Variants in MBD5 observed in about 807,000 individuals in gnomAD.
The protein encoded by MBD5 is methyl-CpG binding domain protein 5, also known as methyl-CpG-binding domain protein 5.
MBD5 carries 13 observed loss-of-function variants against 117.3 expected under a neutral mutation model. The ratio of observed to expected loss-of-function variants is 0.11; its 90% CI spans 0.07 to 0.18. MBD5 has a LOEUF of 0.18. MBD5 is among the 10% of genes least tolerant of loss of function. The probability of loss-of-function intolerance (pLI) is 1.00; values close to 1 mark genes in which losing one functional copy is unlikely to be tolerated. For synonymous variants in MBD5, 727 were observed against 766.4 expected, an observed-to-expected ratio of 0.95 and a Z score of 0.85; for missense variants, 1,879 against 2,093.8, an observed-to-expected ratio of 0.90 and a Z score of 2.00.
rs569896406 is a variant in MBD5, at chr2:148,021,463, T to TTGCTGCTGC, written c.-1137_-1129dup. 5 of 573,876 alleles carry TTGCTGCTGC rather than the reference T, an allele frequency of 8.7e-6. 1 individual carries two copies. The highest frequency in any genetic ancestry group is 1.7e-5 in the Non-Finnish European group (5 of 298,506). The allele number at this position is 573,876 out of a possible 1,614,324, so 35.5% of individuals were successfully genotyped here. ...CAACACAGACCCTTTGCTGCTGCTG[T>TTGCTGCTGC]TGCTGCTGCTGCTGCTGTTGCTGCT... On this transcript the variant is annotated 5_prime_UTR_variant, in exon 1 of 14. Transcript: ENST00000642680.
At chr2:148,367,103 C>G (rs1703723609) in intron 4 of MBD5, among the ~76,000 whole-genome samples, 1 of 152,162 alleles carries the variant, frequency 6.6e-6, no homozygotes. Flanking sequence ...GTAATGAAAA[C>G]AGCATGGTAC....
intron 3 of MBD5, among the ~76,000 whole-genome samples, chr2:148,308,033 G>A (rs12992471): frequency 0.012 from 1,763 of 152,150 alleles, 17 homozygotes; most frequent in Admixed American, 0.025. Flanking sequence ...TCTTTATCTA[G>A]TCTATCACTG....
intron 1 of MBD5, among the ~76,000 whole-genome samples, chr2:148,144,298 G>GT (rs1465518683): frequency 3.3e-5 from 5 of 151,644 alleles, no homozygotes; most frequent in Admixed American, 3.3e-4. Flanking sequence ...GGGGTTGTTT[G>GT]TTTTTTTCTT....
At chr2:148,391,483 A>G (rs1574372607) in intron 4 of MBD5, among the ~76,000 whole-genome samples, 1 of 152,260 alleles carries the variant, frequency 6.6e-6, no homozygotes, top group East Asian at 1.9e-4. Context: ...TGTAATTTAT[A>G]TTACTTAAAT....
intron 1 of MBD5, among the ~76,000 whole-genome samples, chr2:148,091,024 C>T (rs1695927802): frequency 6.6e-6 from 1 of 151,950 alleles, no homozygotes; most frequent in Non-Finnish European, 1.5e-5. Flanking sequence ...TGCTATATGC[C>T]AACAATGACC....
intron 4 of MBD5, among the ~76,000 whole-genome samples, chr2:148,367,268 A>G (rs1331230917): frequency 6.6e-6 from 1 of 152,226 alleles, no homozygotes; most frequent in African/African-American, 2.4e-5. Flanking sequence ...AAAACCAGCT[A>G]GCCATATGCA....
intron 3 of MBD5, among the ~76,000 whole-genome samples, chr2:148,280,131 C>CAAAAAAAAAAAAAAAAAATA (rs1701209056): frequency 1.1e-5 from 1 of 91,886 alleles, no homozygotes; most frequent in African/African-American, 4.0e-5. Flanking sequence ...AAACTAACTG[C>CAAAAAAAAAAAAAAAAAATA]AAAAAAAAAA....
intron 3 of MBD5, among the ~76,000 whole-genome samples, chr2:148,320,225 T>C (rs1468789164): frequency 6.6e-6 from 1 of 152,204 alleles, no homozygotes; most frequent in African/African-American, 2.4e-5. Flanking sequence ...TGTCCTTGTC[T>C]GGTTTCAGTG....
At chr2:148,300,430 C>T (rs911525677) in intron 3 of MBD5, among the ~76,000 whole-genome samples, 1 of 151,824 alleles carries the variant, frequency 6.6e-6, no homozygotes, top group Non-Finnish European at 1.5e-5. Flanking sequence ...TCTTCTTTTC[C>T]TGCAGTGTCT....
intron 4 of MBD5, among the ~76,000 whole-genome samples, chr2:148,415,298 G>A (rs1485654052): frequency 1.3e-5 from 2 of 151,946 alleles, no homozygotes; most frequent in African/African-American, 2.4e-5. Context: ...TAAGCCCCCA[G>A]TCTCTTCTGG....
chr2:148,251,298 G>T (rs966376164), intron 3 of MBD5, among the ~76,000 whole-genome samples: 2 of 152,110 alleles, frequency 1.3e-5, no homozygotes, highest in African/African-American at 4.8e-5. Flanking sequence ...GTTACTTGAT[G>T]TATTTGAATC....
intron 4 of MBD5, among the ~76,000 whole-genome samples, chr2:148,388,981 C>T (rs1704464667): frequency 6.6e-6 from 1 of 151,632 alleles, no homozygotes; most frequent in African/African-American, 2.4e-5. Flanking sequence ...TCTCACCTCC[C>T]TCTCCTTACC....
chr2:148,246,961 A>G lies in MBD5; in HGVS notation c.-680+13566A>G, dbSNP rs1164653787. On this transcript the variant is annotated intron_variant, in intron 3 of 13. Transcript: ENST00000642680. ...ACCTCTTTGTTATCCCATCCTTGAAATATAGTTAGTTAAACCAAAGACAAA... is the reference window on the plus strand; with the variant it reads ...ACCTCTTTGTTATCCCATCCTTGAAGTATAGTTAGTTAAACCAAAGACAAA... Among the ~76,000 whole-genome samples the G allele has an allele frequency of 1.3e-5, 2 of 152,130 alleles. 1 individual carries two copies. Among genetic ancestry groups the G allele is most frequent in the Admixed American group, 1.3e-4 (2 of 15,268 alleles).
At chr2:148,394,545 G>GTTTTTTTTTTTTTTTTT (rs71856376) in intron 4 of MBD5, among the ~76,000 whole-genome samples, 1 of 121,850 alleles carries the variant, frequency 8.2e-6, no homozygotes, top group Admixed American at 8.1e-5. Flanking sequence ...CTGTACTTTG[G>GTTTTTTTTTTTTTTTTT]TTTTTTTTTT....
chr2:148,243,686 A>C (rs1293478519), intron 3 of MBD5: 1 of 152,060 alleles, frequency 6.6e-6, no homozygotes, highest in African/African-American at 2.4e-5. Flanking sequence ...AAATTAGTTC[A>C]GTTTATGTAT....
intron 2 of MBD5, among the ~76,000 whole-genome samples, chr2:148,213,092 T>C (rs1468256996): frequency 6.6e-6 from 1 of 152,202 alleles, no homozygotes; most frequent in Non-Finnish European, 1.5e-5. Context: ...AAGCAGGAAC[T>C]GCCGTTTTTC....
intron 1 of MBD5, among the ~76,000 whole-genome samples, chr2:148,065,618 A>G (rs1483016435): frequency 6.6e-6 from 1 of 152,238 alleles, no homozygotes; most frequent in Non-Finnish European, 1.5e-5. Context: ...ATGAAAGATC[A>G]TATGAGTTGC....
chr2:148,332,126 T>G (rs1702674786), intron 3 of MBD5, among the ~76,000 whole-genome samples: 1 of 152,124 alleles, frequency 6.6e-6, no homozygotes, highest in Non-Finnish European at 1.5e-5. Context: ...TTTTTTCAAT[T>G]TCACAGGTAA....
intron 4 of MBD5, among the ~76,000 whole-genome samples, chr2:148,457,264 C>A (rs1486500240): frequency 6.6e-6 from 1 of 152,068 alleles, no homozygotes; most frequent in African/African-American, 2.4e-5. Context: ...TCACAAACCA[C>A]AAGTCCCATT....
Sources: allele counts gnomAD v4.1 joint callset (sites outside exome capture counted in the v4.1 genomes callset), GRCh38; gene constraint gnomAD v4.1.1; transcripts MANE v1.5; gene names NCBI Gene and HGNC (gene_info 2026-07-23, HGNC 2026-07-21).